GABRB1: variants seen among roughly 807,000 people sequenced by gnomAD.
The protein encoded by GABRB1 is gamma-aminobutyric acid receptor subunit beta-1.
GABRB1 carries 17 observed loss-of-function variants against 51.6 expected under a neutral mutation model. The ratio of observed to expected loss-of-function variants is 0.33; its 90% CI spans 0.23 to 0.49. GABRB1 has a LOEUF of 0.49. Among genes scored for constraint, GABRB1 ranks in the 20% least tolerant of loss-of-function variants. GABRB1 has a pLI of 0.99. For missense variants in GABRB1, 410 were observed against 600.6 expected, an observed-to-expected ratio of 0.68 and a Z score of 3.32; for synonymous variants, 247 against 218.9, an observed-to-expected ratio of 1.13 and a Z score of -1.14.
chr4:47,370,641 A>G (rs1367114416), intron 5 of GABRB1, among the ~76,000 whole-genome samples: 1 of 152,214 alleles, frequency 6.6e-6, no homozygotes, highest in East Asian at 1.9e-4. Context: ...TGTAATTGCT[A>G]TGAGCACCAA....
chr4:47,314,135 G>T, intron 4 of GABRB1, among the ~76,000 whole-genome samples: 1 of 151,970 alleles, frequency 6.6e-6, no homozygotes, highest in Non-Finnish European at 1.5e-5. Flanking sequence ...ATTGGCCGAG[G>T]TGATCGTAGT....
At chr4:47,273,864 T>TACACACATACACACACACACAC (rs1436701483) in intron 4 of GABRB1, among the ~76,000 whole-genome samples, 1 of 122,322 alleles carries the variant, frequency 8.2e-6, no homozygotes, top group African/African-American at 2.8e-5. Flanking sequence ...CATATATACA[T>TACACACATACACACACACACAC]ACACACACAC....
chr4:47,044,948 A>G (rs192121896), intron 3 of GABRB1, among the ~76,000 whole-genome samples: 9 of 152,186 alleles, frequency 5.9e-5, no homozygotes, highest in African/African-American at 2.2e-4. Context: ...CAAAATTTCA[A>G]TTGGTATATG....
rs1489707723 is a variant in GABRB1, at chr4:47,240,554, A to G, written c.461+79085A>G. On this transcript the variant is annotated intron_variant, in intron 4 of 8. Transcript: ENST00000295454. ...CAGAAAGGAAAAGGTGATGGTACAT[A>G]ATTACCCTCTTCCTTTTAATACACG... Among the ~76,000 whole-genome samples the G allele has an allele frequency of 2.0e-5, 3 of 152,206 alleles. No individual in the cohort carries two copies. In the East Asian group the frequency reaches 5.8e-4, roughly 29 times the overall value.
chr4:47,353,540 A>G (rs182822511), intron 5 of GABRB1, among the ~76,000 whole-genome samples: 354 of 152,268 alleles, frequency 2.3e-3, no homozygotes, highest in Non-Finnish European at 4.0e-3. Flanking sequence ...TTTATAGGCG[A>G]AGTGATATAA....
intron 1 of GABRB1, among the ~76,000 whole-genome samples, chr4:47,025,815 C>T (rs1725071486): frequency 6.6e-6 from 1 of 152,000 alleles, no homozygotes; most frequent in South Asian, 2.1e-4. Context: ...CTATCCTCTT[C>T]TCATTATCCC....
At chr4:47,231,657 C>T (rs1298093301) in intron 4 of GABRB1, among the ~76,000 whole-genome samples, 1 of 152,128 alleles carries the variant, frequency 6.6e-6, no homozygotes, top group African/African-American at 2.4e-5. Flanking sequence ...ACTAGATTAC[C>T]TTTTCATATT....
At chr4:47,115,514 C>A (rs957448338) in intron 3 of GABRB1, among the ~76,000 whole-genome samples, 1 of 151,386 alleles carries the variant, frequency 6.6e-6, no homozygotes, top group Admixed American at 6.6e-5. Flanking sequence ...AATATAAAAT[C>A]ATAAAAATTA....
Position 47,412,299 on chromosome 4 carries a change from T to G in GABRB1, c.1080+5373T>G, listed in dbSNP as rs116988273. On this transcript the variant is annotated intron_variant, in intron 8 of 8. Coordinates refer to ENST00000295454, the MANE Select transcript of GABRB1 (RefSeq NM_000812.4). ...ATAAGTACTTGTTGAATGAATGAAT[T>G]AATTAATTAATACTGGAGAGTTGTT... is the stretch of plus-strand genomic sequence containing the variant. 2.5e-3 allele frequency among the ~76,000 whole-genome samples: 386 copies of G among 152,290 alleles called. 6 individuals are homozygous for G. In the East Asian group the frequency reaches 0.05, roughly 20 times the overall value.
chr4:47,248,531 G>A (rs557313162), intron 4 of GABRB1, among the ~76,000 whole-genome samples: 13 of 152,208 alleles, frequency 8.5e-5, no homozygotes, highest in African/African-American at 2.9e-4. Context: ...GAATGAATTA[G>A]AGAGGGTTCT....
At chr4:47,002,769 TC>T in intron 1 of GABRB1, among the ~76,000 whole-genome samples, 1 of 152,290 alleles carries the variant, frequency 6.6e-6, no homozygotes, top group Middle Eastern at 3.4e-3. Flanking sequence ...AAATATTTGG[TC>T]CTCAAAAGAC....
intron 5 of GABRB1, among the ~76,000 whole-genome samples, chr4:47,344,716 T>TTTTTTTG (rs952863216): frequency 2.0e-5 from 3 of 150,224 alleles, no homozygotes; most frequent in Non-Finnish European, 2.9e-5. Flanking sequence ...TGTGTGTGTG[T>TTTTTTTG]TTTTTTGTTT....
intron 8 of GABRB1, among the ~76,000 whole-genome samples, chr4:47,415,619 T>C (rs1013302479): frequency 1.3e-5 from 2 of 152,184 alleles, no homozygotes; most frequent in Non-Finnish European, 2.9e-5. Flanking sequence ...CAATTAGGCA[T>C]ACTTCAACCA....
At chr4:47,123,412 A>AT (rs1715882124) in intron 3 of GABRB1, among the ~76,000 whole-genome samples, 13 of 120,632 alleles carry the variant, frequency 1.1e-4, no homozygotes, top group African/African-American at 4.2e-4. Flanking sequence ...ATACATATAT[A>AT]CACATATATA....
At chr4:47,166,590 T>A (rs903059919) in intron 4 of GABRB1, among the ~76,000 whole-genome samples, 3 of 152,144 alleles carry the variant, frequency 2.0e-5, no homozygotes, top group African/African-American at 7.2e-5. Context: ...TAAGTCTTTT[T>A]ATTAGTAAGG....
intron 4 of GABRB1, among the ~76,000 whole-genome samples, chr4:47,266,927 T>C (rs184110345): frequency 9.9e-5 from 15 of 152,148 alleles, no homozygotes; most frequent in Non-Finnish European, 2.1e-4. Flanking sequence ...TTTTCACAGG[T>C]CTAGTAGTGT....
chr4:47,183,248 A>G (rs1250810841), intron 4 of GABRB1, among the ~76,000 whole-genome samples: 1 of 150,688 alleles, frequency 6.6e-6, no homozygotes, highest in Admixed American at 6.7e-5. Context: ...GCTAATATTT[A>G]AGAGAGTGGT....
At chr4:47,095,388 C>T (rs1714361332) in intron 3 of GABRB1, among the ~76,000 whole-genome samples, 1 of 151,888 alleles carries the variant, frequency 6.6e-6, no homozygotes, top group Non-Finnish European at 1.5e-5. Context: ...GGAGAAAGGC[C>T]CAGAACAAGA....
intron 4 of GABRB1, among the ~76,000 whole-genome samples, chr4:47,282,342 G>A (rs1475959604): frequency 1.3e-5 from 2 of 152,110 alleles, no homozygotes; most frequent in African/African-American, 4.8e-5. Flanking sequence ...AGTCTTCTCT[G>A]AGAATCCTCT....
Sources: gnomAD v4.1 joint callset for allele counts (sites outside exome capture counted in the v4.1 genomes callset) on GRCh38, gnomAD v4.1.1 for gene constraint, MANE v1.5 for transcripts, NCBI Gene and HGNC (gene_info 2026-07-23, HGNC 2026-07-21) for gene names.